GOLGA1: variants seen among roughly 807,000 people sequenced by gnomAD.
GOLGA1 encodes golgin subfamily A member 1.
In GOLGA1, 63 loss-of-function variants were observed where a neutral mutation model predicts 119.7. That is an observed-to-expected ratio of 0.53 (90% confidence interval 0.43 to 0.65). GOLGA1 has a LOEUF of 0.65. GOLGA1 is among the 30% of genes least tolerant of loss of function. GOLGA1 has a pLI of 0.00. For synonymous variants in GOLGA1, 318 were observed against 333.4 expected, an observed-to-expected ratio of 0.95 and a Z score of 0.50; for missense variants, 798 against 912.8, an observed-to-expected ratio of 0.87 and a Z score of 1.62.
At position 124,879,547 on chromosome 9, in the gene GOLGA1, G is replaced by A. The variant is rs1394084047; in HGVS notation, c.*983C>T. Reference sequence around the variant, plus strand: ...ACTGGAGACAGCGGACTGTCCTTCAGTAGAAGACAGGTGGTCTGCATCGCC... The same window carrying A: ...ACTGGAGACAGCGGACTGTCCTTCAATAGAAGACAGGTGGTCTGCATCGCC... On this transcript the variant is annotated 3_prime_UTR_variant, in exon 23 of 23. Transcript: ENST00000373555. 1.3e-5 allele frequency: 2 copies of A among 151,846 alleles called. No homozygotes were observed. Among genetic ancestry groups the A allele is most frequent in the South Asian group, 2.1e-4 (1 of 4,808 alleles). The allele number at this position is 151,846 out of a possible 1,614,324, so 9.4% of individuals were successfully genotyped here.
In GOLGA1 at chr9:124,946,771, G is replaced by A. The variant is rs1055077367; in HGVS notation, c.-156+1147C>T. ...TAATATTAAAAACTCTACTTCATGTGCGAATATATCATCAACTTGCAGAAC... is the reference window on the plus strand; with the variant it reads ...TAATATTAAAAACTCTACTTCATGTACGAATATATCATCAACTTGCAGAAC... On this transcript the variant is annotated intron_variant, in intron 1 of 4. Coordinates refer to the GOLGA1 transcript ENST00000421514. This position sits in a 1 kb window ranked among gnomAD's most constrained non-coding sequence, Gnocchi z 4.0. 6.6e-6 allele frequency: 1 copy of A among 152,130 alleles called. No homozygotes were observed. Among genetic ancestry groups the A allele is most frequent in the Non-Finnish European group, 1.5e-5 (1 of 68,020 alleles). 9.4% of individuals were successfully genotyped at this position (152,130 alleles called of 1,614,324 possible).
chr9:124,921,869 T>G lies in GOLGA1; in HGVS notation c.585A>C (p.Leu195=). The change falls in exon 9 of 23, where the codon CTA becomes CTC. Residue 195 remains leucine, a synonymous_variant. Coordinates refer to ENST00000373555, the MANE Select transcript of GOLGA1 (RefSeq NM_002077.4). ...CCTCCAATTCTTGTTCCATTTTCCC[T>G]AGACTTTCTTCTTTTTTTAAAAGCT... The part of the protein sequence containing the change: ...KHMLLKKEES[L]GKMEQELEAR... The G allele has an allele frequency of 6.2e-7, 1 of 1,613,036 alleles. No individual in the cohort carries two copies. The highest frequency in any genetic ancestry group is 2.2e-5 in the East Asian group (1 of 44,890).
At position 124,900,459 on chromosome 9, in the gene GOLGA1, T is replaced by C. The variant is rs776493742; in HGVS notation, c.1154A>G (p.Gln385Arg). Reference protein sequence around the residue: ...GIVAAQETQIQELAAANQESS... With the variant: ...GIVAAQETQIRELAAANQESS... ...GCTCCAATAAGCACTTACGAGCTCCTGTATCTGAGTTTCCTGGGCAGCCAC... is the reference window on the plus strand; with the variant it reads ...GCTCCAATAAGCACTTACGAGCTCCCGTATCTGAGTTTCCTGGGCAGCCAC... The change falls in exon 13 of 23, where the codon CAG (glutamine) becomes CGG (arginine). Residue 385 changes from glutamine to arginine, a missense_variant. Physicochemically the swap from Gln to Arg is conservative, Grantham distance 43 (BLOSUM62 1). Transcript: ENST00000373555. The C allele has an allele frequency of 6.6e-7, 1 of 1,524,140 alleles. No homozygotes were observed. Among genetic ancestry groups the C allele is most frequent in the South Asian group, 1.1e-5 (1 of 89,262 alleles). The allele number at this position is 1,524,140 out of a possible 1,614,324, so 94.4% of individuals were successfully genotyped here.
intron 11 of GOLGA1, 51 bp downstream of exon 11, chr9:124,911,850 A>G: frequency 6.4e-7 from 1 of 1,554,764 alleles, no homozygotes; most frequent in Non-Finnish European, 8.8e-7. Context: ...AAGTCACCAG[A>G]ATCAACCCTG....
chr9:124,911,106 A>C (rs7022663), intron 11 of GOLGA1, among the ~76,000 whole-genome samples: 88,248 of 152,016 alleles, frequency 0.58, 26,055 homozygotes, highest in Non-Finnish European at 0.58. Context: ...TGTTTAAGAG[A>C]GTGATATGGT....
intron 8 of GOLGA1, among the ~76,000 whole-genome samples, chr9:124,922,097 G>A (rs954347387): frequency 2.6e-5 from 4 of 151,792 alleles, no homozygotes; most frequent in Non-Finnish European, 5.9e-5. Context: ...GCGTGGTGGC[G>A]GGTGCCTGTA....
rs1447702993 is a variant in GOLGA1, at chr9:124,912,687, C to T, written c.844-661G>A. 2.0e-5 allele frequency among the ~76,000 whole-genome samples: 3 copies of T among 152,246 alleles called. No individual in the cohort carries two copies. In the East Asian group the frequency reaches 5.8e-4, roughly 29 times the overall value. On this transcript the variant is annotated intron_variant, in intron 10 of 22. Transcript: ENST00000373555. ...CCTCCCGAGTAGCTGGGACTACAGG[C>T]GCCCACCACCACACCCGGCTAATTT... is the stretch of plus-strand genomic sequence containing the variant.
chr9:124,895,032 G>A (rs1271318954), intron 15 of GOLGA1, among the ~76,000 whole-genome samples: 2 of 146,102 alleles, frequency 1.4e-5, no homozygotes, highest in African/African-American at 5.2e-5. Flanking sequence ...TCACAACAGA[G>A]AACCACCCAC....
In GOLGA1 at chr9:124,899,399, G is replaced by A. The variant is rs184457003; in HGVS notation, c.1241C>T (p.Ala414Val). The change falls in exon 14 of 23, where the codon GCG becomes GTG. Residue 414 changes from alanine to valine, a missense_variant. By Grantham distance (64) the Ala-to-Val change is moderately conservative (BLOSUM62 0). Coordinates refer to ENST00000373555, the MANE Select transcript of GOLGA1 (RefSeq NM_002077.4). ...CAGGGCCACTATCTGGGCTTCTAGC[G>A]CCTGGGTGCGCTCCAAGAACTGCTG... ...LEQQFLERTQ[A>V]LEAQIVALER... The A allele has an allele frequency of 2.9e-5, 45 of 1,548,880 alleles. No individual in the cohort carries two copies. In the South Asian group the frequency reaches 3.1e-4, roughly 11 times the overall value.
intron 15 of GOLGA1, among the ~76,000 whole-genome samples, chr9:124,897,508 T>C (rs1011072557): frequency 2.0e-5 from 3 of 152,248 alleles, no homozygotes; most frequent in Middle Eastern, 3.4e-3. Flanking sequence ...ACCAGGCTAA[T>C]TGTTGAATTT....
chr9:124,916,988 A>T (rs932857502), intron 10 of GOLGA1, among the ~76,000 whole-genome samples: 1 of 151,632 alleles, frequency 6.6e-6, no homozygotes, highest in Admixed American at 6.6e-5. Flanking sequence ...AGAAAAAATA[A>T]ATTATAGCTC....
chr9:124,901,436 A>AT (rs35235029), intron 12 of GOLGA1, among the ~76,000 whole-genome samples: 47,105 of 131,300 alleles, frequency 0.36, 8,721 homozygotes, highest in Middle Eastern at 0.47. Flanking sequence ...ACGCCCAGCT[A>AT]TTTTTTTTTT....
rs186587789 is a variant in GOLGA1, at chr9:124,918,877, G to A, written c.843+2252C>T. ...GCCTCCTGCTGTCCTCCTGATCCTT[G>A]ACATTCCAGTTCCTCTAGGAAGATT... is the stretch of plus-strand genomic sequence containing the variant. On this transcript the variant is annotated intron_variant, in intron 10 of 22. Transcript: ENST00000373555. 5.3e-3 allele frequency among the ~76,000 whole-genome samples: 806 copies of A among 152,252 alleles called. 3 individuals carry two copies. Among genetic ancestry groups the A allele is most frequent in the Middle Eastern group, 0.01 (3 of 294 alleles).
At chr9:124,934,769 G>A (rs554311446) in intron 3 of GOLGA1, among the ~76,000 whole-genome samples, 2 of 152,314 alleles carry the variant, frequency 1.3e-5, no homozygotes, top group African/African-American at 4.8e-5. Flanking sequence ...ACTTTGGGCT[G>A]TGCACAGTGG....
In GOLGA1 at chr9:124,938,428, A is replaced by C. The variant is rs1054400697; in HGVS notation, c.135+149T>G. 30 of 685,614 alleles carry C rather than the reference A, an allele frequency of 4.4e-5. 1 individual carries two copies. Among genetic ancestry groups the C allele is most frequent in the Non-Finnish European group, 7.1e-5 (29 of 408,514 alleles). 42.5% of individuals were successfully genotyped at this position (685,614 alleles called of 1,614,324 possible). A position where few individuals can be genotyped will look rare whatever the true frequency, so the allele number is the denominator to read the frequency against. ...AACATTTACAAACCAAACATTAACA[A>C]AAAGGTACCTCAGAGTAAGAAGAAT... On this transcript the variant is annotated intron_variant, in intron 3 of 22. Coordinates refer to ENST00000373555, the MANE Select transcript of GOLGA1 (RefSeq NM_002077.4).
intron 19 of GOLGA1, among the ~76,000 whole-genome samples, chr9:124,886,007 G>T (rs1829712667): frequency 6.6e-6 from 1 of 152,246 alleles, no homozygotes; most frequent in Non-Finnish European, 1.5e-5. Context: ...TAACAGCCTG[G>T]ATGCTGGTAG....
intron 15 of GOLGA1, among the ~76,000 whole-genome samples, chr9:124,893,203 AT>A (rs759662487): frequency 6.6e-6 from 1 of 152,044 alleles, no homozygotes; most frequent in Non-Finnish European, 1.5e-5. Flanking sequence ...AAAAATACCC[AT>A]CCCCCAGAAA....
intron 19 of GOLGA1, among the ~76,000 whole-genome samples, chr9:124,884,916 G>A (rs150535017): frequency 5.3e-4 from 81 of 152,312 alleles, no homozygotes; most frequent in African/African-American, 1.8e-3. Flanking sequence ...TCAATAAACA[G>A]GCCAGGTGTG....
intron 17 of GOLGA1, 56 bp downstream of exon 17, chr9:124,889,378 G>C: frequency 6.3e-7 from 1 of 1,594,268 alleles, no homozygotes; most frequent in Non-Finnish European, 8.6e-7. Flanking sequence ...GCCGTCACAA[G>C]GCAGGATGCT....
Sources: allele counts gnomAD v4.1 joint callset (sites outside exome capture counted in the v4.1 genomes callset), GRCh38; gene constraint gnomAD v4.1.1; non-coding constraint Gnocchi (gnomAD v3.1); transcripts MANE v1.5; gene names NCBI Gene and HGNC (gene_info 2026-07-23, HGNC 2026-07-21).